The following TG variants were observed in gnomAD, a reference collection of about 807,000 sequenced individuals.
TG encodes the protein thyroid hormones.
TG carries 270 observed loss-of-function variants against 324.7 expected under a neutral mutation model. The ratio of observed to expected loss-of-function variants is 0.83; its 90% CI spans 0.75 to 0.92. The LOEUF (loss-of-function observed/expected upper bound fraction) is 0.92. Among genes scored for constraint, TG ranks in the 40% least tolerant of loss-of-function variants. The pLI is 0.00. For missense variants in TG, 3,591 were observed against 3,456.4 expected, an observed-to-expected ratio of 1.04 and a Z score of -0.98; for synonymous variants, 1,401 against 1,327.0, an observed-to-expected ratio of 1.06 and a Z score of -1.21.
chr8:132,969,005 T>C (rs929167807), intron 31 of TG, among the ~76,000 whole-genome samples: 2 of 152,122 alleles, frequency 1.3e-5, no homozygotes, highest in Non-Finnish European at 2.9e-5. Flanking sequence ...GAGAGGGCTG[T>C]TGTCAGCTGC....
chr8:132,911,452 G>A lies in TG; in HGVS notation c.4078G>A (p.Glu1360Lys). The A allele has an allele frequency of 6.2e-7, 1 of 1,614,220 alleles. No homozygotes were observed. The highest frequency in any genetic ancestry group is 8.5e-7 in the Non-Finnish European group (1 of 1,180,040). ...TGTGCAGGTGGGTTGTCTGACCAGG[G>A]AGCGTTTAGGAGTGAATGTTACATG... ...SSVQVGCLTRERLGVNVTWKS... is the reference protein window; with the variant it reads ...SSVQVGCLTRKRLGVNVTWKS... Residue 1360 changes from glutamate to lysine, a missense_variant, in exon 19 of 48, where the codon GAG becomes AAG. Physicochemically the swap from Glu to Lys is moderately conservative, Grantham distance 56. Coordinates refer to ENST00000220616, the MANE Select transcript of TG (RefSeq NM_003235.5).
Position 132,896,494 on chromosome 8 carries a change from T to G in TG, c.3002-1155T>G, listed in dbSNP as rs558326788. On this transcript the variant is annotated intron_variant, in intron 11 of 47. Coordinates refer to ENST00000220616, the MANE Select transcript of TG (RefSeq NM_003235.5). Reference sequence around the variant, plus strand: ...CTGCCAATGGTGCTGCCACAGATATTCCCGTTCTCCCTCCAGGATCCTGGT... The same window carrying G: ...CTGCCAATGGTGCTGCCACAGATATGCCCGTTCTCCCTCCAGGATCCTGGT... 1.7e-4 allele frequency among the ~76,000 whole-genome samples: 26 copies of G among 152,216 alleles called. 2 individuals are homozygous for G. The South Asian group carries it at 5.0e-3, about 29-fold the overall frequency.
intron 35 of TG, among the ~76,000 whole-genome samples, chr8:133,011,399 G>A (rs567150851): frequency 7.1e-6 from 1 of 141,648 alleles, no homozygotes; most frequent in Non-Finnish European, 1.6e-5. Flanking sequence ...CCTTGGTCCT[G>A]CAGGGGGGTC....
rs758470590 is a variant in TG, at chr8:133,134,682, C to T, written c.8195C>T (p.Ala2732Val). 7.4e-6 allele frequency: 12 copies of T among 1,613,698 alleles called. No homozygotes were observed. In the Middle Eastern group the frequency reaches 6.6e-4, roughly 89 times the overall value. The change falls in exon 48 of 48, where the codon GCC becomes GTC. Residue 2732 changes from alanine (A) to valine (V), a missense_variant. By Grantham distance (64) the Ala-to-Val change is moderately conservative. Coordinates refer to ENST00000220616, the MANE Select transcript of TG (RefSeq NM_003235.5). ...ISSLKTSADGAKGGQSAESEE... is the reference protein window; with the variant it reads ...ISSLKTSADGVKGGQSAESEE... The stretch of plus-strand genomic sequence containing the variant: ...CCTTGCCCCTCTGTTTCAGATGGAG[C>T]CAAGGGCGGGCAGTCAGCAGAGAGT...
Position 133,095,071 on chromosome 8 carries a change from G to T in TG, c.7267G>T (p.Val2423Phe). The change falls in exon 42 of 48, where the codon GTC (valine) becomes TTC (phenylalanine). Residue 2423 changes from valine (V) to phenylalanine (F), a missense_variant. Physicochemically the swap from Val to Phe is conservative, Grantham distance 50. Transcript: ENST00000220616. ...AGGCTCCGCACTCTCCCCGGCCGCC[G>T]TCATCAGCCATGAGAGGGCTCAGCA... ...MGGSALSPAAVISHERAQQQA... is the reference protein window; with the variant it reads ...MGGSALSPAAFISHERAQQQA... The T allele has an allele frequency of 6.2e-7, 1 of 1,614,030 alleles. No individual in the cohort carries two copies. The highest frequency in any genetic ancestry group is 8.5e-7 in the Non-Finnish European group (1 of 1,180,026).
chr8:133,067,898 GGAAGGAAGGAAGGAAGGAA>G (rs1843307155), intron 41 of TG, among the ~76,000 whole-genome samples: 1 of 54,344 alleles, frequency 1.8e-5, no homozygotes, highest in Non-Finnish European at 5.1e-5. Flanking sequence ...ATGTATGGAA[GGAAGGAAGGAAGGAAGGAA>G]AGAGAGAGAG....
At position 132,897,732 on chromosome 8, in the gene TG, CCA is replaced by C; in HGVS notation, c.3088_3089del (p.Gln1030ValfsTer2). 6.2e-7 allele frequency: 1 copy of C among 1,614,214 alleles called. No individual in the cohort carries two copies. ...SALLRSGPYM[P>X]QCDAFGSWEP... Reference sequence around the variant, plus strand: ...CCTTCTGCGGTCGGGCCCCTACATGCCACAGTGTGATGCGTTTGGAAGTTGGG... The same window carrying C: ...CCTTCTGCGGTCGGGCCCCTACATGCCAGTGTGATGCGTTTGGAAGTTGGG... On this transcript the variant is annotated frameshift_variant, in exon 12 of 48. Coordinates refer to ENST00000220616, the MANE Select transcript of TG (RefSeq NM_003235.5). LOFTEE classifies it high-confidence loss of function.
chr8:133,087,344 T>A (rs1846755276), intron 41 of TG, among the ~76,000 whole-genome samples: 1 of 152,172 alleles, frequency 6.6e-6, no homozygotes, highest in African/African-American at 2.4e-5. Flanking sequence ...TTTTCTAGAG[T>A]ATGAAAAGGA....
intron 35 of TG, among the ~76,000 whole-genome samples, chr8:132,987,585 G>C (rs1831725106): frequency 6.6e-6 from 1 of 152,172 alleles, no homozygotes; most frequent in African/African-American, 2.4e-5. Flanking sequence ...ACCCACATCT[G>C]TATGGACCCT....
chr8:133,022,070 G>C lies in TG; in HGVS notation c.6956G>C (p.Gly2319Ala), dbSNP rs565749357. ...EESEGWPAID[G>A]SFLAAVGNLI... is the part of the protein sequence containing the mutation. ...AGTGAAGGATGGCCGGCTATCGACGGCTCCTTCTTGGCTGCTGTTGGCAAC... is the reference window on the plus strand; with the variant it reads ...AGTGAAGGATGGCCGGCTATCGACGCCTCCTTCTTGGCTGCTGTTGGCAAC... The change falls in exon 40 of 48, where the codon GGC (glycine) becomes GCC (alanine). Residue 2319 changes from glycine to alanine, a missense_variant. Gly to Ala is a moderately conservative substitution (Grantham distance 60). Transcript: ENST00000220616. 5.0e-6 allele frequency: 8 copies of C among 1,614,172 alleles called. No homozygotes were observed. Among genetic ancestry groups the C allele is most frequent in the Middle Eastern group, 3.3e-4 (2 of 6,062 alleles).
At chr8:133,010,527 A>G (rs1834413025) in intron 35 of TG, among the ~76,000 whole-genome samples, 3 of 152,220 alleles carry the variant, frequency 2.0e-5, no homozygotes, top group Non-Finnish European at 4.4e-5. Context: ...TTCTTTATTA[A>G]TGATCACTGA....
chr8:132,986,533 C>G (rs1252201236), intron 35 of TG, among the ~76,000 whole-genome samples: 2 of 152,074 alleles, frequency 1.3e-5, no homozygotes, highest in Non-Finnish European at 2.9e-5. Context: ...TCACGATGCT[C>G]ACCTTCTAGT....
chr8:132,988,080 A>T (rs533855518), intron 35 of TG, among the ~76,000 whole-genome samples: 1 of 151,452 alleles, frequency 6.6e-6, no homozygotes, highest in Admixed American at 6.6e-5. Context: ...ACACACACAC[A>T]CACACACACA....
intron 43 of TG, among the ~76,000 whole-genome samples, chr8:133,100,144 A>G (rs1450779202): frequency 1.6e-4 from 25 of 152,166 alleles, no homozygotes; most frequent in Admixed American, 1.6e-3. Context: ...AGTTTCTCAA[A>G]TAGGCTGAGC....
chr8:133,089,550 C>T (rs370041373), intron 41 of TG, among the ~76,000 whole-genome samples: 14 of 152,178 alleles, frequency 9.2e-5, no homozygotes, highest in African/African-American at 3.1e-4. Context: ...TAAATCACAT[C>T]TCTTACTTAG....
chr8:133,116,591 A>G lies in TG; in HGVS notation c.7755-18A>G, dbSNP rs879583028. On this transcript the variant is annotated intron_variant, in intron 44 of 47. Coordinates refer to ENST00000220616, the MANE Select transcript of TG (RefSeq NM_003235.5). Reference sequence around the variant, plus strand: ...AGCCATGTTTAACCAGACTCCCCCCATGTTCTCTTTTCACCAGGGACTACT... The same window carrying G: ...AGCCATGTTTAACCAGACTCCCCCCGTGTTCTCTTTTCACCAGGGACTACT... 3.1e-6 allele frequency: 5 copies of G among 1,603,116 alleles called. No homozygotes were observed. Among genetic ancestry groups the G allele is most frequent in the Non-Finnish European group, 3.4e-6 (4 of 1,170,114 alleles).
chr8:133,132,221 G>A (rs1036631805), intron 46 of TG, among the ~76,000 whole-genome samples: 19 of 152,178 alleles, frequency 1.2e-4, no homozygotes, highest in Admixed American at 6.5e-5. Flanking sequence ...TTGACATCGG[G>A]GGCTGGATAA....
chr8:133,017,771 C>T lies in TG; in HGVS notation c.6563-7C>T, dbSNP rs747759006. The T allele has an allele frequency of 1.2e-6, 2 of 1,613,898 alleles. No individual in the cohort carries two copies. Among genetic ancestry groups the T allele is most frequent in the South Asian group, 2.2e-5 (2 of 91,076 alleles). ...TCCTCACCCCTTTCTCTTCCCTTTC[C>T]CAACAGGAATCTCTCTGCTCAGCTA... is the stretch of plus-strand genomic sequence containing the variant. On this transcript the variant is annotated splice_polypyrimidine_tract_variant and splice_region_variant and intron_variant, in intron 37 of 47. Transcript: ENST00000220616.
At chr8:133,061,016 G>A (rs1842293954) in intron 41 of TG, among the ~76,000 whole-genome samples, 1 of 152,168 alleles carries the variant, frequency 6.6e-6, no homozygotes, top group African/African-American at 2.4e-5. Context: ...AACCTTTTCT[G>A]TTTTTGTTTT....
Sources: gnomAD v4.1 joint callset for allele counts (sites outside exome capture counted in the v4.1 genomes callset) on GRCh38, gnomAD v4.1.1 for gene constraint, MANE v1.5 for transcripts, NCBI Gene and HGNC (gene_info 2026-07-23, HGNC 2026-07-21) for gene names.